ARHGAP42: variants seen among roughly 807,000 people sequenced by gnomAD.
ARHGAP42 encodes the protein Rho GTPase activating protein 42.
A neutral mutation model predicts 125.0 loss-of-function variants in ARHGAP42; 63 were observed. The observed-to-expected ratio is 0.50, with a 90% CI of 0.41 to 0.62. The LOEUF is 0.62. Among genes scored for constraint, ARHGAP42 ranks in the 20% least tolerant of loss-of-function variants. The pLI is 0.00. For missense variants in ARHGAP42, 766 were observed against 1,024.2 expected (o/e 0.75, Z 3.44); for synonymous variants, 339 against 351.0 (o/e 0.97, Z 0.38).
At chr11:100,878,006 GAA>G (rs35482152) in intron 4 of ARHGAP42, among the ~76,000 whole-genome samples, 37 of 64,412 alleles carry the variant, frequency 5.7e-4, no homozygotes, top group African/African-American at 1.6e-3. Flanking sequence ...CTCTGTCCCA[GAA>G]AAAAAAAAAA....
At position 100,924,222 on chromosome 11, in the gene ARHGAP42, CA is replaced by C. The variant is rs370615948; in HGVS notation, c.597+2622del. Reference sequence around the variant, plus strand: ...TATCTTCTACAGATTGTAAGATATCCAAAAGAAAATATGAACAGGGGATAGT... The same window carrying C: ...TATCTTCTACAGATTGTAAGATATCCAAAGAAAATATGAACAGGGGATAGT... On this transcript the variant is annotated intron_variant, in intron 6 of 23. Transcript: ENST00000298815. 2.6e-4 allele frequency among the ~76,000 whole-genome samples: 40 copies of C among 151,902 alleles called. No homozygotes were observed. The East Asian group carries it at 7.0e-3, about 26-fold the overall frequency.
intron 3 of ARHGAP42, among the ~76,000 whole-genome samples, chr11:100,851,134 G>A (rs546233683): frequency 5.3e-5 from 8 of 151,922 alleles, no homozygotes; most frequent in East Asian, 1.9e-4. Flanking sequence ...CACCCACCTC[G>A]GCCTCCGAAA....
chr11:100,919,591 A>G (rs907839841), intron 5 of ARHGAP42, among the ~76,000 whole-genome samples: 6 of 152,148 alleles, frequency 3.9e-5, no homozygotes, highest in African/African-American at 1.4e-4. Flanking sequence ...AAATGGAGAC[A>G]GCATCTCACT....
chr11:100,893,973 C>T (rs1268098714), intron 4 of ARHGAP42, among the ~76,000 whole-genome samples: 1 of 152,088 alleles, frequency 6.6e-6, no homozygotes, highest in Non-Finnish European at 1.5e-5. Flanking sequence ...TCACCCCATG[C>T]CTGAGAATCA....
At chr11:100,943,685 C>T in intron 9 of ARHGAP42, 74 bp from the exon 10 acceptor site, 1 of 1,049,122 alleles carries the variant, frequency 9.5e-7, no homozygotes, top group Non-Finnish European at 1.4e-6. Flanking sequence ...AATGTGGCAA[C>T]TTGAGCTCAC....
At chr11:100,779,469 T>A (rs199762161) in intron 2 of ARHGAP42, among the ~76,000 whole-genome samples, 3,318 of 75,518 alleles carry the variant, frequency 0.044, 139 homozygotes, top group Non-Finnish European at 0.053. Flanking sequence ...AAAAAAAAAA[T>A]ATATATATAT....
intron 3 of ARHGAP42, among the ~76,000 whole-genome samples, chr11:100,843,438 G>C (rs968275021): frequency 6.6e-6 from 1 of 152,030 alleles, no homozygotes. Flanking sequence ...GTATAGTACT[G>C]GAAGTCCTAG....
At chr11:100,949,716 A>C (rs1433095668) in intron 11 of ARHGAP42, among the ~76,000 whole-genome samples, 1 of 152,138 alleles carries the variant, frequency 6.6e-6, no homozygotes, top group Non-Finnish European at 1.5e-5. Context: ...CCACGGATGG[A>C]AAAGGAGTGG....
intron 1 of ARHGAP42, among the ~76,000 whole-genome samples, chr11:100,747,694 T>C (rs111411155): frequency 0.027 from 4,110 of 152,334 alleles, 74 homozygotes; most frequent in Non-Finnish European, 0.032. Context: ...TTCCTCCTTA[T>C]AATCCCGTTT....
intron 10 of ARHGAP42, among the ~76,000 whole-genome samples, chr11:100,946,189 A>T (rs1170745178): frequency 6.6e-6 from 1 of 152,066 alleles, no homozygotes; most frequent in African/African-American, 2.4e-5. Flanking sequence ...CACCTCTCTC[A>T]GCCTTCATAA....
intron 4 of ARHGAP42, among the ~76,000 whole-genome samples, chr11:100,871,198 G>T (rs56957305): frequency 0.024 from 3,603 of 152,202 alleles, 146 homozygotes; most frequent in African/African-American, 0.082. Flanking sequence ...ATTTAGAACT[G>T]TCTATAGATT....
At chr11:100,972,936 G>A (rs1045803213) in intron 17 of ARHGAP42, among the ~76,000 whole-genome samples, 4 of 152,066 alleles carry the variant, frequency 2.6e-5, no homozygotes, top group Non-Finnish European at 4.4e-5. Flanking sequence ...TAGGAAATTA[G>A]GGGTTTTTTT....
intron 1 of ARHGAP42, among the ~76,000 whole-genome samples, chr11:100,699,175 CTGA>C (rs1861346810): frequency 6.6e-6 from 1 of 152,046 alleles, no homozygotes; most frequent in Admixed American, 6.6e-5. Context: ...TATAACTACC[CTGA>C]TGCTGATGTG....
chr11:100,803,305 G>T (rs763314500), intron 3 of ARHGAP42, among the ~76,000 whole-genome samples: 1 of 152,182 alleles, frequency 6.6e-6, no homozygotes, highest in East Asian at 1.9e-4. Flanking sequence ...CTAGCATTCA[G>T]GGGAGGAGCT....
At chr11:100,800,951 C>T (rs913902669) in intron 3 of ARHGAP42, among the ~76,000 whole-genome samples, 6 of 152,118 alleles carry the variant, frequency 3.9e-5, no homozygotes, top group Admixed American at 1.3e-4. Context: ...GGTTTAATAT[C>T]CCTTATCCAA....
intron 3 of ARHGAP42, among the ~76,000 whole-genome samples, chr11:100,821,610 C>CA (rs555591908): frequency 0.084 from 8,800 of 104,758 alleles, 446 homozygotes; most frequent in African/African-American, 0.2. Flanking sequence ...ACTCCCACCA[C>CA]AAAAAAAAAA....
chr11:100,867,715 A>G (rs1260414395), intron 4 of ARHGAP42, among the ~76,000 whole-genome samples: 1 of 152,184 alleles, frequency 6.6e-6, no homozygotes, highest in Non-Finnish European at 1.5e-5. Context: ...GAACTTTTGT[A>G]TTCACAGCTT....
chr11:100,918,348 T>C (rs1240529196), intron 5 of ARHGAP42, among the ~76,000 whole-genome samples: 1 of 152,182 alleles, frequency 6.6e-6, no homozygotes, highest in Non-Finnish European at 1.5e-5. Context: ...CTGATGCCTT[T>C]CCCTGTCTTT....
In ARHGAP42 at chr11:100,976,247, T is replaced by C; in HGVS notation, c.2046T>C (p.Thr682=). Reference sequence around the variant, plus strand: ...AGAAAAGCCTTGGTCTGTGGACAACTAGTCCTGAATCAAGTTCCAGAGAAG... The same window carrying C: ...AGAAAAGCCTTGGTCTGTGGACAACCAGTCCTGAATCAAGTTCCAGAGAAG... ...NGQKSLGLWT[T]SPESSSREDA... The change falls in exon 20 of 24, where the codon ACT becomes ACC. Residue 682 remains threonine, a synonymous_variant. Transcript: ENST00000298815. The C allele has an allele frequency of 6.4e-7, 1 of 1,551,648 alleles. No homozygotes were observed. The highest frequency in any genetic ancestry group is 8.7e-7 in the Non-Finnish European group (1 of 1,146,918).
Sources: allele counts gnomAD v4.1 joint callset (sites outside exome capture counted in the v4.1 genomes callset), GRCh38; gene constraint gnomAD v4.1.1; transcripts MANE v1.5; gene names NCBI Gene and HGNC (gene_info 2026-07-23, HGNC 2026-07-21).